The following EML6 variants were observed in gnomAD, a reference collection of about 807,000 sequenced individuals.
EML6 encodes echinoderm microtubule-associated protein-like 6.
Under a neutral mutation model 240.1 loss-of-function variants are expected in EML6, and 154 were observed. That is an observed-to-expected ratio of 0.64 (90% CI 0.56 to 0.73). The LOEUF is 0.73. Among genes scored for constraint, EML6 ranks in the 30% least tolerant of loss-of-function variants. The pLI, the probability that EML6 is intolerant of heterozygous loss-of-function variation, is 0.00. For synonymous variants in EML6, 1,148 were observed against 899.0 expected (o/e 1.28, Z -4.95); for missense variants, 2,964 against 2,474.6 (o/e 1.20, Z -4.20).
At chr2:54,796,602 G>A (rs1176351350) in intron 2 of EML6, among the ~76,000 whole-genome samples, 6 of 151,290 alleles carry the variant, frequency 4.0e-5, no homozygotes, top group Non-Finnish European at 8.8e-5. Context: ...TATATTAAAT[G>A]TGTGTGCTTG....
intron 26 of EML6, among the ~76,000 whole-genome samples, chr2:54,926,017 A>G (rs769238077): frequency 1.1e-4 from 16 of 152,208 alleles, no homozygotes; most frequent in Non-Finnish European, 1.5e-4. Context: ...TGAAATGTGA[A>G]TGTAGGGGAG....
chr2:54,932,005 T>C (rs1674889626), intron 28 of EML6, among the ~76,000 whole-genome samples: 1 of 152,252 alleles, frequency 6.6e-6, no homozygotes, highest in African/African-American at 2.4e-5. Flanking sequence ...ACTCAGTTAT[T>C]TGACTTTAAA....
intron 2 of EML6, among the ~76,000 whole-genome samples, chr2:54,798,458 C>T (rs1003707570): frequency 1.4e-4 from 22 of 152,126 alleles, no homozygotes; most frequent in Non-Finnish European, 2.5e-4. Context: ...CAGGCGTGAG[C>T]GACCACACCC....
chr2:54,863,568 T>G (rs1453986395), intron 12 of EML6, among the ~76,000 whole-genome samples: 1 of 152,046 alleles, frequency 6.6e-6, no homozygotes, highest in Non-Finnish European at 1.5e-5. Flanking sequence ...GGGAAGGAAG[T>G]TGGCCTAGTC....
At chr2:54,954,449 C>G (rs1676136086) in intron 32 of EML6, among the ~76,000 whole-genome samples, 1 of 152,160 alleles carries the variant, frequency 6.6e-6, no homozygotes, top group African/African-American at 2.4e-5. Flanking sequence ...AGGCAGCAGC[C>G]TCCCCGACAT....
intron 2 of EML6, among the ~76,000 whole-genome samples, chr2:54,765,711 C>T (rs986905434): frequency 2.6e-5 from 4 of 152,278 alleles, no homozygotes; most frequent in South Asian, 4.1e-4. Flanking sequence ...CCACCAGTCT[C>T]GGCCTCCCAA....
chr2:54,897,852 C>T (rs1201113529), intron 21 of EML6, among the ~76,000 whole-genome samples: 1 of 152,162 alleles, frequency 6.6e-6, no homozygotes, highest in Non-Finnish European at 1.5e-5. Context: ...GGGCTTCCTG[C>T]TTGCCCAGGA....
chr2:54,848,176 A>C (rs1395724030), intron 9 of EML6, among the ~76,000 whole-genome samples: 2 of 152,200 alleles, frequency 1.3e-5, no homozygotes, highest in African/African-American at 2.4e-5. Flanking sequence ...ACTAAAATGG[A>C]ATATTTCCTA....
chr2:54,841,868 C>G (rs1669476878), intron 7 of EML6, among the ~76,000 whole-genome samples: 1 of 152,132 alleles, frequency 6.6e-6, no homozygotes, highest in South Asian at 2.1e-4. Context: ...GTTGGGATTA[C>G]AGGCATGAGC....
At chr2:54,754,391 A>C (rs1015529439) in intron 2 of EML6, among the ~76,000 whole-genome samples, 1 of 152,132 alleles carries the variant, frequency 6.6e-6, no homozygotes, top group Admixed American at 6.5e-5. Flanking sequence ...GTTTGAAGCC[A>C]CTAAGTTCAT....
At chr2:54,965,174 G>A (rs1233905771) in intron 38 of EML6, among the ~76,000 whole-genome samples, 1 of 152,166 alleles carries the variant, frequency 6.6e-6, no homozygotes, top group Non-Finnish European at 1.5e-5. Flanking sequence ...TCATCCCTGG[G>A]TCCCAGGGGA....
Position 54,971,219 on chromosome 2 carries a change from A to C in EML6, c.*1124A>C, listed in dbSNP as rs1309502325. 3 of 152,232 alleles carry C rather than the reference A, an allele frequency of 2.0e-5. No homozygotes were observed. Among genetic ancestry groups the C allele is most frequent in the Non-Finnish European group, 4.4e-5 (3 of 68,046 alleles). The allele number at this position is 152,232 out of a possible 1,614,324, so 9.4% of individuals were successfully genotyped here. On this transcript the variant is annotated 3_prime_UTR_variant, in exon 42 of 42. Coordinates refer to ENST00000356458, the MANE Select transcript of EML6 (RefSeq NM_001039753.4). ...AACCCAAGGAATAGCTGGTAAATCA[A>C]AATTATAAAGTGAGTTAGAGTTCCT... is the stretch of plus-strand genomic sequence containing the variant.
chr2:54,967,311 C>T (rs889616553), intron 39 of EML6: 5 of 356,330 alleles, frequency 1.4e-5, no homozygotes, highest in Non-Finnish European at 2.6e-5. Context: ...ATGCGAAGCC[C>T]CTCTTTTTGT....
Position 54,741,798 on chromosome 2 carries a change from A to C in EML6, c.197+16540A>C, listed in dbSNP as rs183812391. Among the ~76,000 whole-genome samples the C allele has an allele frequency of 3.0e-3, 463 of 152,326 alleles. 1 individual carries two copies. The highest frequency in any genetic ancestry group is 5.5e-3 in the Non-Finnish European group (371 of 68,032). On this transcript the variant is annotated intron_variant, in intron 2 of 41. Transcript: ENST00000356458. ...TGTAGAATAAAATAAAAATCCTTGC[A>C]TCCATAGTGATATAAATAACTCAAT...
At chr2:54,933,438 ACTATT>A (rs1196141212) in intron 28 of EML6, among the ~76,000 whole-genome samples, 1 of 152,156 alleles carries the variant, frequency 6.6e-6, no homozygotes, top group Non-Finnish European at 1.5e-5. Context: ...CCCATTTAAA[ACTATT>A]CTATATATAG....
intron 17 of EML6, among the ~76,000 whole-genome samples, chr2:54,885,160 A>G (rs1264623580): frequency 6.6e-6 from 1 of 151,762 alleles, no homozygotes; most frequent in African/African-American, 2.4e-5. Flanking sequence ...CTGTCTCAAA[A>G]AAAACCTGGC....
chr2:54,782,127 T>C (rs1192979703), intron 2 of EML6, among the ~76,000 whole-genome samples: 1 of 152,212 alleles, frequency 6.6e-6, no homozygotes, highest in Non-Finnish European at 1.5e-5. Context: ...ACATTTAAAA[T>C]AAGTCTATGT....
intron 22 of EML6, 23 bp from the exon 23 acceptor site, chr2:54,903,021 G>GT (rs778700402): frequency 1.8e-5 from 28 of 1,545,386 alleles, no homozygotes; most frequent in East Asian, 1.5e-4. Context: ...GATAATAAGT[G>GT]TTTTTTGTGG....
intron 30 of EML6, among the ~76,000 whole-genome samples, 193 bp from the exon 31 acceptor site, chr2:54,952,401 C>T (rs1027754286): frequency 6.6e-6 from 1 of 152,162 alleles, no homozygotes. Context: ...TTCTCCCAGA[C>T]CCAAAACAGA....
Sources: allele counts gnomAD v4.1 joint callset (sites outside exome capture counted in the v4.1 genomes callset), GRCh38; gene constraint gnomAD v4.1.1; transcripts MANE v1.5; gene names NCBI Gene and HGNC (gene_info 2026-07-23, HGNC 2026-07-21).